CFAP61: variants seen among roughly 807,000 people sequenced by gnomAD.
The protein encoded by CFAP61 is cilia- and flagella-associated protein 61.
Under a neutral mutation model 135.6 loss-of-function variants are expected in CFAP61, and 107 were observed. The ratio of observed to expected loss-of-function variants is 0.79; its 90% confidence interval spans 0.67 to 0.93. The LOEUF (loss-of-function observed/expected upper bound fraction) is 0.93, where lower values mean the gene tolerates loss of function less well. CFAP61 is among the 40% of genes least tolerant of loss of function. CFAP61 has a pLI of 0.00. For missense variants in CFAP61, 1,507 were observed against 1,556.2 expected (o/e 0.97, Z 0.53); for synonymous variants, 575 against 578.5 (o/e 0.99, Z 0.09).
rs142551031 is a variant in CFAP61 at position 20,065,838 on chromosome 20, T to C, written c.144-5016T>C. On this transcript the variant is annotated intron_variant, in intron 2 of 26. Coordinates refer to ENST00000245957, the MANE Select transcript of CFAP61 (RefSeq NM_015585.4). ...AGTGGCGATCGGGGGGACAGAACTG[T>C]GCCCAGGCTGCAGTTTGTGAGCAAT... Among the ~76,000 whole-genome samples the C allele has an allele frequency of 3.3e-3, 498 of 152,234 alleles. 2 individuals are homozygous for C. Among genetic ancestry groups the C allele is most frequent in the African/African-American group, 0.011 (457 of 41,548 alleles).
At chr20:20,158,886 G>GC (rs2053172570) in intron 9 of CFAP61, among the ~76,000 whole-genome samples, 1 of 152,140 alleles carries the variant, frequency 6.6e-6, no homozygotes, top group South Asian at 2.1e-4. Flanking sequence ...AATATATGTA[G>GC]CTTATTGTAT....
chr20:20,356,302 GGTGGTCACACTGAGGGGAA>G (rs1448610688), intron 26 of CFAP61, among the ~76,000 whole-genome samples: 188 of 138,340 alleles, frequency 1.4e-3, no homozygotes, highest in Non-Finnish European at 2.0e-3. Context: ...ACTGAGAGGA[GGTGGTCACACTGAGGGGAA>G]GTGGTCACAC....
At chr20:20,159,468 C>T (rs376889511) in intron 10 of CFAP61, 24 bp downstream of exon 10, 19 of 1,602,224 alleles carry the variant, frequency 1.2e-5, no homozygotes, top group East Asian at 2.2e-5. Context: ...AGGGCCTTTG[C>T]GTGCCTTCTA....
At chr20:20,312,409 G>A (rs1268001303) in intron 25 of CFAP61, among the ~76,000 whole-genome samples, 2 of 152,152 alleles carry the variant, frequency 1.3e-5, no homozygotes, top group African/African-American at 2.4e-5. Context: ...ATTAGACCTC[G>A]CTGGGAAAAG....
chr20:20,273,944 C>T (rs970275180), intron 21 of CFAP61, among the ~76,000 whole-genome samples: 5 of 152,246 alleles, frequency 3.3e-5, no homozygotes, highest in African/African-American at 1.2e-4. Context: ...TAGTAAATTA[C>T]TCTGATAAAT....
intron 24 of CFAP61, among the ~76,000 whole-genome samples, chr20:20,292,252 G>C (rs1435791652): frequency 6.6e-6 from 1 of 152,192 alleles, no homozygotes; most frequent in Non-Finnish European, 1.5e-5. Flanking sequence ...GAAGATGGCT[G>C]TTTTAATCAT....
At chr20:20,190,338 G>A (rs1363485570) in intron 14 of CFAP61, among the ~76,000 whole-genome samples, 2 of 152,162 alleles carry the variant, frequency 1.3e-5, no homozygotes, top group Admixed American at 6.5e-5. Flanking sequence ...ATTATACTGA[G>A]TGGGGAAAAA....
chr20:20,185,056 C>G, intron 13 of CFAP61, among the ~76,000 whole-genome samples: 1 of 152,120 alleles, frequency 6.6e-6, no homozygotes, highest in East Asian at 1.9e-4. Context: ...AGAACTTTGG[C>G]TTTTACTGGG....
In CFAP61 at chr20:20,251,756, A is replaced by C; in HGVS notation, c.2321A>C (p.Gln774Pro). 6.2e-7 allele frequency: 1 copy of C among 1,613,586 alleles called. No individual in the cohort carries two copies. Among genetic ancestry groups the C allele is most frequent in the South Asian group, 1.1e-5 (1 of 91,076 alleles). ...YDHLILCTGQ[Q>P]YQVPCPTEAD... is the part of the protein sequence containing the mutation. Reference sequence around the variant, plus strand: ...CACCTCATCCTCTGCACCGGGCAGCAGTACCAGGTAAGGCCGGGCACAGGG... The same window carrying C: ...CACCTCATCCTCTGCACCGGGCAGCCGTACCAGGTAAGGCCGGGCACAGGG... Residue 774 changes from glutamine to proline, a missense_variant, in exon 20 of 27, where the codon CAG (glutamine) becomes CCG (proline). Transcript: ENST00000245957.
intron 2 of CFAP61, among the ~76,000 whole-genome samples, chr20:20,059,220 C>T (rs1179217225): frequency 1.4e-5 from 2 of 138,036 alleles, no homozygotes; most frequent in Non-Finnish European, 1.5e-5. Flanking sequence ...TCCCACTACT[C>T]GGGAGGCTGA....
At chr20:20,199,050 G>A (rs879638837) in intron 16 of CFAP61, among the ~76,000 whole-genome samples, 1 of 152,098 alleles carries the variant, frequency 6.6e-6, no homozygotes, top group Non-Finnish European at 1.5e-5. Flanking sequence ...GGTTTTCTCT[G>A]CTAAGTTTTT....
At chr20:20,147,454 G>A (rs1262385438) in intron 9 of CFAP61, among the ~76,000 whole-genome samples, 1 of 152,142 alleles carries the variant, frequency 6.6e-6, no homozygotes, top group Non-Finnish European at 1.5e-5. Flanking sequence ...GGAGTAAGGT[G>A]GTATTTCATT....
In CFAP61 at chr20:20,251,723, C is replaced by T; in HGVS notation, c.2288C>T (p.Pro763Leu). 2 of 1,614,010 alleles carry T rather than the reference C, an allele frequency of 1.2e-6. No individual in the cohort carries two copies. Among genetic ancestry groups the T allele is most frequent in the Non-Finnish European group, 1.7e-6 (2 of 1,180,042 alleles). Reference protein sequence around the residue: ...HVVLSTDEIVPYDHLILCTGQ... With the variant: ...HVVLSTDEIVLYDHLILCTGQ... Reference sequence around the variant, plus strand: ...GTGCTTTCCACGGACGAGATCGTGCCCTACGACCACCTCATCCTCTGCACC... The same window carrying T: ...GTGCTTTCCACGGACGAGATCGTGCTCTACGACCACCTCATCCTCTGCACC... Residue 763 changes from proline to leucine, a missense_variant, in exon 20 of 27, where the codon CCC (proline) becomes CTC (leucine). Pro to Leu is a moderately conservative substitution (Grantham distance 98). Coordinates refer to ENST00000245957, the MANE Select transcript of CFAP61 (RefSeq NM_015585.4).
chr20:20,230,400 C>T (rs1051290549), intron 18 of CFAP61, among the ~76,000 whole-genome samples: 3 of 152,172 alleles, frequency 2.0e-5, no homozygotes, highest in South Asian at 2.1e-4. Context: ...TTTACTTTCC[C>T]AGTTTAACTG....
Position 20,142,843 on chromosome 20 carries a change from C to T in CFAP61, c.860-14C>T, listed in dbSNP as rs767360158. 6.7e-7 allele frequency: 1 copy of T among 1,482,398 alleles called. No individual in the cohort carries two copies. The highest frequency in any genetic ancestry group is 1.2e-5 in the South Asian group (1 of 85,152). The allele number at this position is 1,482,398 out of a possible 1,614,324, so 91.8% of individuals were successfully genotyped here. ...CATCTATTTTCTGTCATTATTCTAT[C>T]CCTTCTCTCAAAGATGCTGAGCTCA... On this transcript the variant is annotated splice_polypyrimidine_tract_variant and intron_variant, in intron 8 of 26. Coordinates refer to ENST00000245957, the MANE Select transcript of CFAP61 (RefSeq NM_015585.4).
Position 20,052,714 on chromosome 20 carries a change from C to T in CFAP61, c.-37+123C>T, listed in dbSNP as rs746212685. On this transcript the variant is annotated intron_variant, in intron 1 of 26. Coordinates refer to ENST00000245957, the MANE Select transcript of CFAP61 (RefSeq NM_015585.4). ...GCGAGGACGAGTGGCTCTGTCGAGC[C>T]GTGGCGCCCTGCAAGGGAGTAAGAA... 4 of 1,608,794 alleles carry T rather than the reference C, an allele frequency of 2.5e-6. No homozygotes were observed. The Admixed American group carries it at 5.0e-5, about 20-fold the overall frequency.
chr20:20,241,272 G>GGGGATAGT (rs781434922), intron 18 of CFAP61, among the ~76,000 whole-genome samples: 3 of 152,180 alleles, frequency 2.0e-5, no homozygotes, highest in Admixed American at 6.5e-5. Context: ...TATGAGGAAG[G>GGGGATAGT]GGGATAGTAA....
Position 20,360,526 on chromosome 20 carries a change from G to GT in CFAP61, c.*120dup, listed in dbSNP as rs944154532. The GT allele has an allele frequency of 2.7e-5, 24 of 900,756 alleles. No individual in the cohort carries two copies. Among genetic ancestry groups the GT allele is most frequent in the Non-Finnish European group, 3.6e-5 (21 of 581,670 alleles). The allele number at this position is 900,756 out of a possible 1,614,324, so 55.8% of individuals were successfully genotyped here. On this transcript the variant is annotated 3_prime_UTR_variant, in exon 27 of 27. Coordinates refer to ENST00000245957, the MANE Select transcript of CFAP61 (RefSeq NM_015585.4). ...TTGACAGCGAAGCCAGCCCCTGGTG[G>GT]TTTTGTTCATTCCTTTCCTTCCCTG...
At chr20:20,110,782 A>C (rs1409142091) in intron 8 of CFAP61, among the ~76,000 whole-genome samples, 2 of 152,184 alleles carry the variant, frequency 1.3e-5, no homozygotes, top group Non-Finnish European at 2.9e-5. Context: ...CACGAGGCCC[A>C]TACTCACACT....
Sources: gnomAD v4.1 joint callset for allele counts (sites outside exome capture counted in the v4.1 genomes callset) on GRCh38, gnomAD v4.1.1 for gene constraint, MANE v1.5 for transcripts, NCBI Gene and HGNC (gene_info 2026-07-23, HGNC 2026-07-21) for gene names.